ANKRD28: variants seen among roughly 807,000 people sequenced by gnomAD.
The protein encoded by ANKRD28 is serine/threonine-protein phosphatase 6 regulatory ankyrin repeat subunit A.
A neutral mutation model predicts 126.5 loss-of-function variants in ANKRD28; 44 were observed. The observed-to-expected ratio is 0.35, with a 90% CI of 0.27 to 0.45. The LOEUF (loss-of-function observed/expected upper bound fraction) is 0.45. ANKRD28 is among the 20% of genes least tolerant of loss of function. The pLI is 1.00. For synonymous variants in ANKRD28, 442 were observed against 468.5 expected (o/e 0.94, Z 0.73); for missense variants, 1,110 against 1,316.6 (o/e 0.84, Z 2.43).
rs150524506 is a variant in ANKRD28, at chr3:15,776,623, G to C, written c.202-10311C>G. Among the ~76,000 whole-genome samples the C allele has an allele frequency of 1.1e-3, 172 of 152,316 alleles. No individual in the cohort carries two copies. In the South Asian group the frequency reaches 0.012, roughly 11 times the overall value. ...ACGGGTAACACTGAGGGGTGGGGTG[G>C]AAAGTTTTGATCATAAAGTGGTCAC... is the stretch of plus-strand genomic sequence containing the variant. On this transcript the variant is annotated intron_variant, in intron 2 of 27. Coordinates refer to ENST00000683139, the MANE Select transcript of ANKRD28 (RefSeq NM_001349278.2).
intron 2 of ANKRD28, among the ~76,000 whole-genome samples, chr3:15,790,670 C>T (rs1252801090): frequency 6.6e-6 from 1 of 151,962 alleles, no homozygotes; most frequent in African/African-American, 2.4e-5. Context: ...ATATGACAGA[C>T]CCACAGCTAG....
chr3:15,784,789 T>C (rs1426873628), intron 2 of ANKRD28, among the ~76,000 whole-genome samples: 1 of 151,950 alleles, frequency 6.6e-6, no homozygotes, highest in Non-Finnish European at 1.5e-5. Context: ...AAGATGCAAA[T>C]AGTAGGCTAA....
At chr3:15,851,521 G>A (rs907131925) in intron 1 of ANKRD28, among the ~76,000 whole-genome samples, 1 of 151,600 alleles carries the variant, frequency 6.6e-6, no homozygotes, top group Non-Finnish European at 1.5e-5. Context: ...TCCAACCTGA[G>A]TGACAAAGTG....
intron 21 of ANKRD28, chr3:15,684,848 A>G (rs1455535988): frequency 5.6e-6 from 1 of 180,084 alleles, no homozygotes; most frequent in African/African-American, 2.4e-5. Flanking sequence ...ACTTCAGGCT[A>G]CATGGTGGCT....
At chr3:15,701,380 C>A (rs1461703490) in intron 14 of ANKRD28, among the ~76,000 whole-genome samples, 1 of 152,180 alleles carries the variant, frequency 6.6e-6, no homozygotes, top group Admixed American at 6.5e-5. Flanking sequence ...TGCAGTGGCT[C>A]ATGCCTGTAA....
rs1460175397 is a variant in ANKRD28, at chr3:15,795,214, C to T, written c.201+9G>A. 8.3e-6 allele frequency: 13 copies of T among 1,572,038 alleles called. No homozygotes were observed. The highest frequency in any genetic ancestry group is 1.7e-5 in the Admixed American group (1 of 59,558). On this transcript the variant is annotated intron_variant, in intron 2 of 27. Coordinates refer to ENST00000683139, the MANE Select transcript of ANKRD28 (RefSeq NM_001349278.2). ...TTAAAGGCTGGCATCAGTGAATTAA[C>T]TGTTTTACCTGAAAGTTAACATCTT...
At chr3:15,764,100 C>T (rs2058625326) in intron 3 of ANKRD28, among the ~76,000 whole-genome samples, 2 of 152,074 alleles carry the variant, frequency 1.3e-5, no homozygotes, top group Admixed American at 1.3e-4. Context: ...TGCCACACAC[C>T]TGCAGTCCCA....
intron 2 of ANKRD28, among the ~76,000 whole-genome samples, chr3:15,793,618 TTAAAA>T (rs1187325558): frequency 2.6e-5 from 4 of 152,280 alleles, no homozygotes; most frequent in African/African-American, 7.2e-5. Flanking sequence ...GTCAGTACTA[TTAAAA>T]TAAAACCAAA....
At chr3:15,806,014 T>C (rs1416612250) in intron 1 of ANKRD28, among the ~76,000 whole-genome samples, 1 of 152,186 alleles carries the variant, frequency 6.6e-6, no homozygotes, top group Non-Finnish European at 1.5e-5. Context: ...ACAAAAATAC[T>C]GACCATAGCT....
chr3:15,730,020 ATTAATT>A (rs1286382667), intron 6 of ANKRD28, among the ~76,000 whole-genome samples: 1 of 151,878 alleles, frequency 6.6e-6, no homozygotes, highest in African/African-American at 2.4e-5. Flanking sequence ...CCCAGCTAAT[ATTAATT>A]TTCTTTTTTT....
chr3:15,849,143 C>T (rs966151135), intron 1 of ANKRD28, among the ~76,000 whole-genome samples: 7 of 152,022 alleles, frequency 4.6e-5, no homozygotes, highest in Non-Finnish European at 1.0e-4. Context: ...CTACAAGATA[C>T]GATGAGATTA....
At chr3:15,699,018 G>A (rs1256153478) in intron 14 of ANKRD28, among the ~76,000 whole-genome samples, 2 of 152,136 alleles carry the variant, frequency 1.3e-5, no homozygotes, top group African/African-American at 2.4e-5. Context: ...AACCAAAACA[G>A]CATGGTACTG....
Position 15,707,997 on chromosome 3 carries a change from C to T in ANKRD28, c.1474G>A (p.Ala492Thr), listed in dbSNP as rs765709585. ...QCLFALVGSG[A>T]SVNDLDERGC... is the part of the protein sequence containing the mutation. ...CTTTCATCAAGGTCATTCACACTTG[C>T]TCCTGATCCCACAAGAGCAAACAGG... The change falls in exon 14 of 28, where the codon GCA (alanine) becomes ACA (threonine). Residue 492 changes from alanine to threonine, a missense_variant. Transcript: ENST00000683139. The T allele has an allele frequency of 1.2e-6, 2 of 1,611,810 alleles. No homozygotes were observed. The highest frequency in any genetic ancestry group is 1.1e-5 in the South Asian group (1 of 90,532).
In ANKRD28 at chr3:15,698,967, A is replaced by C. The variant is rs928706508; in HGVS notation, c.1548-2722T>G. On this transcript the variant is annotated intron_variant, in intron 14 of 27. Coordinates refer to ENST00000683139, the MANE Select transcript of ANKRD28 (RefSeq NM_001349278.2). ...AAGCCAAAAGAACAAAGCTGGAAGC[A>C]TCATGCTACCTGACTTCAAACTACA... 1.6e-4 allele frequency among the ~76,000 whole-genome samples: 24 copies of C among 152,364 alleles called. 1 individual carries two copies. Among genetic ancestry groups the C allele is most frequent in the Middle Eastern group, 3.4e-3 (1 of 294 alleles).
chr3:15,689,315 G>A (rs1036941539), intron 18 of ANKRD28, among the ~76,000 whole-genome samples: 65 of 152,282 alleles, frequency 4.3e-4, no homozygotes, highest in East Asian at 1.2e-3. Context: ...AAGCTTTGAC[G>A]GTAGTGGGGC....
intron 1 of ANKRD28, among the ~76,000 whole-genome samples, chr3:15,851,232 C>T (rs1249587432): frequency 6.6e-6 from 1 of 152,000 alleles, no homozygotes; most frequent in Admixed American, 6.6e-5. Flanking sequence ...ATCAAAACTG[C>T]AGTAAGATAC....
upstream of ANKRD28, among the ~76,000 whole-genome samples, chr3:15,798,401 T>C (rs1415726948): frequency 1.3e-5 from 2 of 151,610 alleles, no homozygotes; most frequent in East Asian, 3.8e-4. Flanking sequence ...CTGCCAGGTG[T>C]ATTTTATTTT....
At chr3:15,689,893 T>C in intron 18 of ANKRD28, 126 bp downstream of exon 18, 2 of 802,322 alleles carry the variant, frequency 2.5e-6, no homozygotes, top group South Asian at 2.0e-5. Flanking sequence ...AAATAATCCA[T>C]ATATGATTTG....
chr3:15,708,676 A>G (rs1449424237), intron 13 of ANKRD28, among the ~76,000 whole-genome samples: 6 of 152,160 alleles, frequency 3.9e-5, no homozygotes, highest in African/African-American at 1.4e-4. Flanking sequence ...TTCCAAAGCC[A>G]AAGTGATTTT....
Sources: allele counts gnomAD v4.1 joint callset (sites outside exome capture counted in the v4.1 genomes callset), GRCh38; gene constraint gnomAD v4.1.1; transcripts MANE v1.5; gene names NCBI Gene and HGNC (gene_info 2026-07-23, HGNC 2026-07-21).